Variants in MAP4K4 observed in about 807,000 individuals in gnomAD.
MAP4K4 encodes the protein mitogen-activated protein kinase kinase kinase kinase 4, also known as HPK/GCK-like kinase HGK.
Under a neutral mutation model 189.6 loss-of-function variants are expected in MAP4K4, and 38 were observed. That is an observed-to-expected ratio of 0.20 (90% CI 0.15 to 0.26). The LOEUF (loss-of-function observed/expected upper bound fraction) is 0.26. Among genes scored for constraint, MAP4K4 ranks in the 10% least tolerant of loss-of-function variants. The pLI is 1.00. For synonymous variants in MAP4K4, 610 were observed against 624.3 expected (o/e 0.98, Z 0.34); for missense variants, 1,054 against 1,726.9 (o/e 0.61, Z 6.91).
intron 12 of MAP4K4, among the ~76,000 whole-genome samples, chr2:101,853,979 C>T (rs1201105139): frequency 6.6e-6 from 1 of 152,126 alleles, no homozygotes; most frequent in Non-Finnish European, 1.5e-5. Flanking sequence ...AACAATTTTG[C>T]AAAGTTCCCA....
intron 12 of MAP4K4, among the ~76,000 whole-genome samples, chr2:101,851,724 C>CTTTTTTTTTTTTTTTT (rs36217584): frequency 5.9e-5 from 4 of 67,904 alleles, no homozygotes; most frequent in African/African-American, 7.6e-5. Flanking sequence ...TAACTGTCCT[C>CTTTTTTTTTTTTTTTT]TTTTTTTTTT....
At chr2:101,830,502 T>C (rs1419596724) in intron 6 of MAP4K4, among the ~76,000 whole-genome samples, 3 of 152,224 alleles carry the variant, frequency 2.0e-5, no homozygotes, top group Non-Finnish European at 4.4e-5. Context: ...CAAAATTCTT[T>C]ATGTTTATAT....
exon 13 of MAP4K4, chr2:101,856,122 G>T: frequency 6.4e-7 from 1 of 1,551,186 alleles, no homozygotes; most frequent in Non-Finnish European, 8.7e-7. Flanking sequence ...GAAAAGAGGA[G>T]AGTTGAAAGA....
At position 101,874,142 on chromosome 2, in the gene MAP4K4, G is replaced by T. The variant is rs1453733250; in HGVS notation, c.3131G>T (p.Gly1044Val). 4 of 1,613,860 alleles carry T rather than the reference G, an allele frequency of 2.5e-6. No individual in the cohort carries two copies. Among genetic ancestry groups the T allele is most frequent in the Non-Finnish European group, 3.4e-6 (4 of 1,179,882 alleles). ...ATAAGGCAAGATCCTACCCGGAAAGGCTCAGTGGTCAATGTGAATCCTACC... is the reference window on the plus strand; with the variant it reads ...ATAAGGCAAGATCCTACCCGGAAAGTCTCAGTGGTCAATGTGAATCCTACC... Residue 1044 changes from glycine (G) to valine (V), a missense_variant, in exon 26 of 33, where the codon GGC becomes GTC. Physicochemically the swap from Gly to Val is moderately radical, Grantham distance 109 (BLOSUM62 -3). This residue lies in a region of MAP4K4 where 646 missense variants were observed against 796.2 expected (regional missense o/e 0.81). Coordinates refer to ENST00000324219, the Ensembl canonical transcript of MAP4K4.
chr2:101,820,144 A>T (rs1395376124), intron 3 of MAP4K4, among the ~76,000 whole-genome samples: 1 of 152,250 alleles, frequency 6.6e-6, no homozygotes, highest in Non-Finnish European at 1.5e-5. Context: ...AAAGAAAAAA[A>T]TATAAATGGA....
rs761049405 is a variant in MAP4K4 at position 101,844,074 on chromosome 2, C to A, written c.1023-27C>A. ...ATAGGACAGTGTGATCGGTGCACAC[C>A]CCTGAAAGCCCTGCTTTTTCCAACA... On this transcript the variant is annotated intron_variant, in intron 11 of 32. Coordinates refer to ENST00000324219, the Ensembl canonical transcript of MAP4K4. 6 of 1,554,678 alleles carry A rather than the reference C, an allele frequency of 3.9e-6. No individual in the cohort carries two copies. The African/African-American group carries it at 8.1e-5, about 21-fold the overall frequency.
intron 2 of MAP4K4, among the ~76,000 whole-genome samples, chr2:101,704,567 ATTTTTTTTTTT>A (rs57278834): frequency 9.0e-4 from 21 of 23,396 alleles, no homozygotes; most frequent in Non-Finnish European, 1.3e-3. Context: ...ATATATATAT[ATTTTTTTTTTT>A]TTTTTTTTTT....
At chr2:101,814,331 A>G (rs1360038238) in intron 3 of MAP4K4, among the ~76,000 whole-genome samples, 2 of 152,176 alleles carry the variant, frequency 1.3e-5, no homozygotes, top group Non-Finnish European at 2.9e-5. Context: ...ACACTTATTC[A>G]TGGTCTTTTT....
At chr2:101,846,949 C>G (rs2097128501) in intron 12 of MAP4K4, among the ~76,000 whole-genome samples, 3 of 152,150 alleles carry the variant, frequency 2.0e-5, no homozygotes, top group Admixed American at 2.0e-4. Context: ...CCATGGATAC[C>G]AGAACTGCAG....
intron 2 of MAP4K4, among the ~76,000 whole-genome samples, chr2:101,725,462 T>C (rs1205837077): frequency 6.6e-6 from 1 of 152,166 alleles, no homozygotes; most frequent in Non-Finnish European, 1.5e-5. Context: ...CATTTACTCT[T>C]GTCTGTTTTG....
chr2:101,848,013 T>C (rs2097163045), intron 12 of MAP4K4, among the ~76,000 whole-genome samples: 1 of 152,252 alleles, frequency 6.6e-6, no homozygotes, highest in South Asian at 2.1e-4. Context: ...AGTACCATCC[T>C]GTGCAGGTTT....
intron 3 of MAP4K4, 22 bp from the exon 4 acceptor site, chr2:101,823,906 T>C: frequency 1.3e-6 from 2 of 1,578,508 alleles, no homozygotes; most frequent in South Asian, 2.3e-5. Flanking sequence ...AGCCACACAT[T>C]TTATTTTTAT....
intron 2 of MAP4K4, among the ~76,000 whole-genome samples, chr2:101,745,596 A>T (rs1306957178): frequency 6.6e-6 from 1 of 152,072 alleles, no homozygotes; most frequent in Non-Finnish European, 1.5e-5. Context: ...CCACGGTCAT[A>T]CTTACCTGCA....
At chr2:101,704,361 C>CA (rs946335170) in intron 2 of MAP4K4, among the ~76,000 whole-genome samples, 1 of 151,786 alleles carries the variant, frequency 6.6e-6, no homozygotes, top group African/African-American at 2.4e-5. Flanking sequence ...TTTACTAACT[C>CA]AAACATCAAA....
intron 3 of MAP4K4, among the ~76,000 whole-genome samples, chr2:101,802,578 C>G (rs2094469732): frequency 6.6e-6 from 1 of 152,104 alleles, no homozygotes; most frequent in African/African-American, 2.4e-5. Flanking sequence ...GAATGCCACT[C>G]CCTCACGGCT....
exon 33 of MAP4K4, chr2:101,891,354 C>A: frequency 1.1e-6 from 1 of 911,432 alleles, no homozygotes; most frequent in Non-Finnish European, 1.8e-6. Context: ...GCAACCAGGA[C>A]AGCTGTGTGT....
At chr2:101,839,728 C>A in intron 9 of MAP4K4, 91 bp from the exon 10 acceptor site, 1 of 943,778 alleles carries the variant, frequency 1.1e-6, no homozygotes, top group Non-Finnish European at 1.6e-6. Context: ...AATTCTGAAG[C>A]TCTTCTTTAT....
intron 12 of MAP4K4, among the ~76,000 whole-genome samples, chr2:101,852,834 C>T (rs1427390138): frequency 6.6e-6 from 1 of 152,116 alleles, no homozygotes; most frequent in African/African-American, 2.4e-5. Context: ...AAGTGAACAA[C>T]AGAGACAGGG....
chr2:101,703,882 G>A (rs1056914631), intron 2 of MAP4K4, among the ~76,000 whole-genome samples: 2 of 151,860 alleles, frequency 1.3e-5, no homozygotes, highest in Non-Finnish European at 2.9e-5. Flanking sequence ...GTGGTGGCGC[G>A]TGCCTCTAGT....
Sources: gnomAD v4.1 joint callset for allele counts (sites outside exome capture counted in the v4.1 genomes callset) on GRCh38, gnomAD v4.1.1 for gene constraint, gnomAD v4.1.1 regional missense constraint, MANE v1.5 for transcripts, NCBI Gene and HGNC (gene_info 2026-07-23, HGNC 2026-07-21) for gene names.